The following DAAM2 variants were observed in gnomAD, a reference collection of about 807,000 sequenced individuals.
The protein encoded by DAAM2 is dishevelled associated activator of morphogenesis 2.
DAAM2 carries 39 observed loss-of-function variants against 120.7 expected under a neutral mutation model. That is an observed-to-expected ratio of 0.32 (90% confidence interval 0.25 to 0.42). DAAM2 has a LOEUF of 0.42. DAAM2 is among the 10% of genes least tolerant of loss of function. The pLI, the probability that DAAM2 is intolerant of heterozygous loss-of-function variation, is 1.00. For synonymous variants in DAAM2, 488 were observed against 524.9 expected, an observed-to-expected ratio of 0.93 and a Z score of 0.96; for missense variants, 1,283 against 1,401.7, an observed-to-expected ratio of 0.92 and a Z score of 1.35.
chr6:39,839,224 T>A (rs1582651344), intron 1 of DAAM2, among the ~76,000 whole-genome samples: 1 of 152,118 alleles, frequency 6.6e-6, no homozygotes, highest in Non-Finnish European at 1.5e-5. Context: ...TTTGTAAAAA[T>A]TCTGGCGAAA....
intron 1 of DAAM2, among the ~76,000 whole-genome samples, chr6:39,832,073 T>G: frequency 1.1e-5 from 1 of 93,168 alleles, no homozygotes; most frequent in Non-Finnish European, 2.1e-5. Context: ...ACTGAGGGAG[T>G]AGGTGCACTG....
chr6:39,878,532 C>T lies in DAAM2; in HGVS notation c.1489C>T (p.Leu497=), dbSNP rs1350876844. ...CAAGCTGGCCCGGGAGTCCCAGGAG[C>T]TGCGCCAGGCTCGGGGACAAGTGGC... is the stretch of plus-strand genomic sequence containing the variant. ...KDKLARESQE[L]RQARGQVAEL... Residue 497 remains leucine, a synonymous_variant, in exon 13 of 25, where the codon CTG becomes TTG. Coordinates refer to ENST00000274867, the MANE Select transcript of DAAM2 (RefSeq NM_001201427.2). The surrounding 1 kb of genome is among the most constrained non-coding windows in gnomAD (Gnocchi z 5.0). 1 of 1,610,094 alleles carries T rather than the reference C, an allele frequency of 6.2e-7. No homozygotes were observed. Among genetic ancestry groups the T allele is most frequent in the Non-Finnish European group, 8.5e-7 (1 of 1,178,242 alleles).
In DAAM2 at chr6:39,860,925, C is replaced by T. The variant is rs766500607; in HGVS notation, c.169-3C>T. On this transcript the variant is annotated splice_polypyrimidine_tract_variant and splice_region_variant and intron_variant, in intron 2 of 24. Coordinates refer to ENST00000274867, the MANE Select transcript of DAAM2 (RefSeq NM_001201427.2). ...GACGTATTTTTTCTTATTGTCTTTG[C>T]AGGATGAATTGGATCTCACTGACAA... The T allele has an allele frequency of 3.1e-6, 5 of 1,611,008 alleles. No individual in the cohort carries two copies. The highest frequency in any genetic ancestry group is 1.1e-5 in the South Asian group (1 of 90,334).
At chr6:39,827,775 C>T (rs904118875) in intron 1 of DAAM2, among the ~76,000 whole-genome samples, 64 of 152,148 alleles carry the variant, frequency 4.2e-4, no homozygotes, top group African/African-American at 1.5e-3. Context: ...TGGAAAATCA[C>T]AAACCCAGTT....
chr6:39,796,148 C>G (rs542481491), intron 1 of DAAM2, among the ~76,000 whole-genome samples: 1 of 152,200 alleles, frequency 6.6e-6, no homozygotes, highest in South Asian at 2.1e-4. Context: ...GATACATTAT[C>G]CAAGGGAGTG....
intron 14 of DAAM2, 31 bp from the exon 15 acceptor site, chr6:39,883,931 C>A: frequency 6.7e-7 from 1 of 1,501,036 alleles, no homozygotes; most frequent in Non-Finnish European, 9.3e-7. Flanking sequence ...TTGGGCCAAC[C>A]ATGGGATCTT....
rs766253841 is a variant in DAAM2, at chr6:39,904,530, TCAACCTAA to T, written c.*2497_*2504del. 9.0e-5 allele frequency: 41 copies of T among 454,138 alleles called. 1 individual carries two copies. In the Middle Eastern group the frequency reaches 2.7e-3, roughly 30 times the overall value. 28.1% of individuals were successfully genotyped at this position (454,138 alleles called of 1,614,324 possible). On this transcript the variant is annotated 3_prime_UTR_variant, in exon 25 of 25. Coordinates refer to ENST00000274867, the MANE Select transcript of DAAM2 (RefSeq NM_001201427.2). ...TTTGTGGCCAATGTAAAATTCGTCA[TCAACCTAA>T]CAAACACAACCTTCTCAGCAGCATT...
intron 1 of DAAM2, among the ~76,000 whole-genome samples, chr6:39,824,193 G>A (rs1326494103): frequency 6.6e-6 from 1 of 152,192 alleles, no homozygotes; most frequent in Non-Finnish European, 1.5e-5. Flanking sequence ...TATCTCTGCA[G>A]CCTCCCCCGC....
intron 6 of DAAM2, chr6:39,868,381 G>A (rs914399283): frequency 4.5e-6 from 1 of 221,694 alleles, no homozygotes; most frequent in East Asian, 1.0e-4. Context: ...CTGGCACAGA[G>A]TAAGTCCATA....
intron 20 of DAAM2, 70 bp downstream of exon 20, chr6:39,897,050 C>CG (rs1381796029): frequency 6.5e-7 from 1 of 1,549,624 alleles, no homozygotes; most frequent in African/African-American, 1.4e-5. Context: ...CACATCCTCC[C>CG]TCTATTAGGA....
chr6:39,902,180 TG>T lies in DAAM2; in HGVS notation c.*145del. 3.4e-6 allele frequency: 2 copies of T among 596,206 alleles called. No individual in the cohort carries two copies. Among genetic ancestry groups the T allele is most frequent in the Non-Finnish European group, 5.6e-6 (2 of 356,302 alleles). The allele number at this position is 596,206 out of a possible 1,614,324, so 36.9% of individuals were successfully genotyped here. On this transcript the variant is annotated 3_prime_UTR_variant, in exon 25 of 25. Coordinates refer to ENST00000274867, the MANE Select transcript of DAAM2 (RefSeq NM_001201427.2). ...CCTGGGATGGGGGGCTGTGTGTGGC[TG>T]GACCAGGTGTCTCCCCACGCTTACC...
intron 1 of DAAM2, among the ~76,000 whole-genome samples, chr6:39,839,906 TTG>T (rs1461387614): frequency 6.6e-6 from 1 of 152,054 alleles, no homozygotes; most frequent in African/African-American, 2.4e-5. Flanking sequence ...TACCTGTGTG[TTG>T]GGGGAGAAGA....
rs554273000 is a variant in DAAM2 at position 39,894,297 on chromosome 6, C to T, written c.2342-2515C>T. On this transcript the variant is annotated intron_variant, in intron 19 of 24. Coordinates refer to ENST00000274867, the MANE Select transcript of DAAM2 (RefSeq NM_001201427.2). ...TAGGAGGATTCCTTTGCAGATTTTC[C>T]AAATAGCATATAAACCTTAGAAAAA... 4.1e-4 allele frequency among the ~76,000 whole-genome samples: 63 copies of T among 152,210 alleles called. 1 individual carries two copies. In the South Asian group the frequency reaches 0.013, roughly 31 times the overall value.
Position 39,871,681 on chromosome 6 carries a change from T to G in DAAM2, c.1044+109T>G, listed in dbSNP as rs143809285. The G allele has an allele frequency of 2.4e-3, 2,392 of 979,350 alleles. 24 individuals carry two copies. The African/African-American group carries it at 0.034, about 14-fold the overall frequency. The allele number at this position is 979,350 out of a possible 1,614,324, so 60.7% of individuals were successfully genotyped here. ...TGTGGCAGGGCTGGTGTGGGCTGGTTCCCTGGTGGGCACCCCCATGGCCAG... is the reference window on the plus strand; with the variant it reads ...TGTGGCAGGGCTGGTGTGGGCTGGTGCCCTGGTGGGCACCCCCATGGCCAG... On this transcript the variant is annotated intron_variant, in intron 9 of 24. Transcript: ENST00000274867.
chr6:39,805,126 T>G (rs1052968290), intron 1 of DAAM2, among the ~76,000 whole-genome samples: 1 of 152,216 alleles, frequency 6.6e-6, no homozygotes, highest in African/African-American at 2.4e-5. Context: ...AGCCCACAGC[T>G]GCATTTTCAC....
intron 15 of DAAM2, chr6:39,886,295 C>T (rs1208123471): frequency 2.5e-6 from 1 of 397,962 alleles, no homozygotes; most frequent in Non-Finnish European, 4.4e-6. Context: ...ATGGGTCTCA[C>T]TGGGATGAAG....
At chr6:39,822,408 C>G (rs1247052817) in intron 1 of DAAM2, 2 of 152,180 alleles carry the variant, frequency 1.3e-5, no homozygotes, top group Admixed American at 1.3e-4. Context: ...TTCTGTGTTC[C>G]TACTTGTGCC....
chr6:39,900,692 TGA>T (rs776758487), intron 23 of DAAM2, among the ~76,000 whole-genome samples: 67 of 152,168 alleles, frequency 4.4e-4, no homozygotes, highest in Non-Finnish European at 8.4e-4. Context: ...GCCTGGGGTC[TGA>T]GATTCTGCAT....
At chr6:39,800,619 A>G (rs1285553310) in intron 1 of DAAM2, among the ~76,000 whole-genome samples, 5 of 152,152 alleles carry the variant, frequency 3.3e-5, no homozygotes, top group Admixed American at 6.5e-5. Flanking sequence ...GGACATGGTT[A>G]GCCTTTTTGG....
Sources: gnomAD v4.1 joint callset for allele counts (sites outside exome capture counted in the v4.1 genomes callset) on GRCh38, gnomAD v4.1.1 for gene constraint, Gnocchi (gnomAD v3.1) non-coding constraint, MANE v1.5 for transcripts, NCBI Gene and HGNC (gene_info 2026-07-23, HGNC 2026-07-21) for gene names.